Variants in CYFIP2 observed in about 807,000 individuals in gnomAD.
The protein encoded by CYFIP2 is cytoplasmic FMR1-interacting protein 2.
Under a neutral mutation model 158.7 loss-of-function variants are expected in CYFIP2, and 29 were observed. That is an observed-to-expected ratio of 0.18 (90% CI 0.14 to 0.25). CYFIP2 has a LOEUF of 0.25. CYFIP2 is among the 10% of genes least tolerant of loss of function. The pLI is 1.00. For synonymous variants in CYFIP2, 585 were observed against 617.6 expected (o/e 0.95, Z 0.78); for missense variants, 852 against 1,639.5 (o/e 0.52, Z 8.29).
At position 157,266,454 on chromosome 5, in the gene CYFIP2, G is replaced by A. The variant is rs1226060370; in HGVS notation, c.-24+259G>A. ...CATCGCGGAGCTCCGGCGCGGCGGCGGGGGAGCCGCAGCAGCAGGTGCGCG... is the reference window on the plus strand; with the variant it reads ...CATCGCGGAGCTCCGGCGCGGCGGCAGGGGAGCCGCAGCAGCAGGTGCGCG... On this transcript the variant is annotated intron_variant, in intron 1 of 30. Transcript: ENST00000620254. This position sits in a 1 kb window ranked among gnomAD's most constrained non-coding sequence, Gnocchi z 4.2. 1.3e-5 allele frequency: 2 copies of A among 152,172 alleles called. No individual in the cohort carries two copies. Among genetic ancestry groups the A allele is most frequent in the Non-Finnish European group, 2.9e-5 (2 of 68,102 alleles). 9.4% of individuals were successfully genotyped at this position (152,172 alleles called of 1,614,324 possible).
At position 157,326,102 on chromosome 5, in the gene CYFIP2, G is replaced by A. The variant is rs1475575885; in HGVS notation, c.1983-69G>A. 3 of 1,155,122 alleles carry A rather than the reference G, an allele frequency of 2.6e-6. No individual in the cohort carries two copies. In the East Asian group the frequency reaches 7.1e-5, roughly 27 times the overall value. 71.6% of individuals were successfully genotyped at this position (1,155,122 alleles called of 1,614,324 possible). ...CTGTGAACTTGTTTCTATTTCCCAAGCAAGTATAAAGCTGTCTTCCTTAAG... is the reference window on the plus strand; with the variant it reads ...CTGTGAACTTGTTTCTATTTCCCAAACAAGTATAAAGCTGTCTTCCTTAAG... On this transcript the variant is annotated intron_variant, in intron 17 of 30. Coordinates refer to ENST00000620254, the MANE Select transcript of CYFIP2 (RefSeq NM_001037333.3).
intron 8 of CYFIP2, among the ~76,000 whole-genome samples, chr5:157,305,391 C>T (rs1037443752): frequency 6.6e-6 from 1 of 152,234 alleles, no homozygotes; most frequent in Admixed American, 6.5e-5. Context: ...ACAATTGTTT[C>T]ATCAGTTCAC....
intron 26 of CYFIP2, among the ~76,000 whole-genome samples, chr5:157,371,503 T>C (rs888647459): frequency 6.6e-5 from 10 of 152,050 alleles, no homozygotes; most frequent in Admixed American, 1.3e-4. Context: ...AAAGGTAGAG[T>C]CTAATGCCAT....
chr5:157,277,860 A>T (rs1756687783), intron 1 of CYFIP2, among the ~76,000 whole-genome samples: 1 of 152,194 alleles, frequency 6.6e-6, no homozygotes, highest in South Asian at 2.1e-4. Context: ...ACAAACCTGG[A>T]TGGCATAGCC....
intron 14 of CYFIP2, 104 bp downstream of exon 14, chr5:157,320,032 A>G: frequency 1.4e-6 from 2 of 1,416,736 alleles, no homozygotes; most frequent in Non-Finnish European, 1.9e-6. Context: ...GGGTCCTTCC[A>G]GCAAGCTCCA....
Position 157,307,809 on chromosome 5 carries a change from T to C in CYFIP2, c.844T>C (p.Tyr282His), listed in dbSNP as rs1448668025. 2 of 1,612,170 alleles carry C rather than the reference T, an allele frequency of 1.2e-6. No individual in the cohort carries two copies. The highest frequency in any genetic ancestry group is 1.7e-6 in the Non-Finnish European group (2 of 1,179,014). Residue 282 changes from tyrosine (Y) to histidine (H), a missense_variant, in exon 9 of 31, where the codon TAC (tyrosine) becomes CAC (histidine). By Grantham distance (83) the Tyr-to-His change is moderately conservative. This residue lies in a region of CYFIP2 where 133 missense variants were observed against 197.1 expected (regional missense o/e 0.67). Transcript: ENST00000620254. ...YLMDGNVSNI[Y>H]KLDAKKRINL... The stretch of plus-strand genomic sequence containing the variant: ...AATGGATGGAAATGTCAGTAACATT[T>C]ACAAACTGGATGCCAAGAAGAGAAT...
intron 3 of CYFIP2, among the ~76,000 whole-genome samples, chr5:157,289,272 G>T (rs6879845): frequency 0.26 from 39,308 of 152,114 alleles, 5,662 homozygotes; most frequent in Non-Finnish European, 0.34. Flanking sequence ...GCTGGTGTGA[G>T]CAAAGGCACA....
chr5:157,283,867 C>G (rs1228544915), intron 1 of CYFIP2, among the ~76,000 whole-genome samples: 1 of 152,078 alleles, frequency 6.6e-6, no homozygotes, highest in Non-Finnish European at 1.5e-5. Flanking sequence ...CTTTTCCCCC[C>G]TAATGTTAGA....
In CYFIP2 at chr5:157,312,084, A is replaced by G. The variant is rs572402038; in HGVS notation, c.1110+303A>G. On this transcript the variant is annotated intron_variant, in intron 11 of 30. Transcript: ENST00000620254. ...AGAGGATTAAAAGATATGGCAGATA[A>G]TAAGGGCCTGGTGATGGTTAGTTCT... 5.3e-4 allele frequency among the ~76,000 whole-genome samples: 80 copies of G among 152,354 alleles called. 1 individual carries two copies. The highest frequency in any genetic ancestry group is 1.7e-3 in the African/African-American group (72 of 41,588).
chr5:157,375,567 C>T (rs1330543004), intron 26 of CYFIP2, among the ~76,000 whole-genome samples: 1 of 152,048 alleles, frequency 6.6e-6, no homozygotes, highest in Non-Finnish European at 1.5e-5. Flanking sequence ...CAACCCATGG[C>T]CCAGGACGGC....
chr5:157,329,773 A>T (rs780823491), intron 19 of CYFIP2, among the ~76,000 whole-genome samples: 1 of 152,196 alleles, frequency 6.6e-6, no homozygotes, highest in Non-Finnish European at 1.5e-5. Flanking sequence ...GCCACATCTC[A>T]AGTGTTCAGT....
At chr5:157,318,472 C>G (rs1760326791) in intron 13 of CYFIP2, among the ~76,000 whole-genome samples, 1 of 152,186 alleles carries the variant, frequency 6.6e-6, no homozygotes, top group Non-Finnish European at 1.5e-5. Flanking sequence ...TGCTTCTCTC[C>G]CATTATTTCT....
At chr5:157,320,577 G>T in intron 14 of CYFIP2, 78 bp from the exon 15 acceptor site, 1 of 1,582,774 alleles carries the variant, frequency 6.3e-7, no homozygotes, top group South Asian at 1.1e-5. Context: ...GGGACACCAC[G>T]GGCCCTAGAA....
chr5:157,347,308 A>AT (rs1021453296), intron 23 of CYFIP2, among the ~76,000 whole-genome samples: 6 of 151,130 alleles, frequency 4.0e-5, no homozygotes, highest in African/African-American at 1.5e-4. Context: ...TCCCTTGGAA[A>AT]AAAAAAAAAA....
chr5:157,318,203 A>G (rs1760306637), intron 13 of CYFIP2, among the ~76,000 whole-genome samples: 1 of 152,112 alleles, frequency 6.6e-6, no homozygotes, highest in African/African-American at 2.4e-5. Context: ...CCTTTTGAAG[A>G]GCAGCTGTTT....
rs559624503 is a variant in CYFIP2 at position 157,341,237 on chromosome 5, G to A, written c.2673+80G>A. 466 of 1,352,516 alleles carry A rather than the reference G, an allele frequency of 3.4e-4. 2 individuals are homozygous for A. In the African/African-American group the frequency reaches 6.3e-3, roughly 18 times the overall value. The allele number at this position is 1,352,516 out of a possible 1,614,324, so 83.8% of individuals were successfully genotyped here. On this transcript the variant is annotated intron_variant, in intron 23 of 30. Transcript: ENST00000620254. Reference sequence around the variant, plus strand: ...AGAAAAGTGTCTCTTAATTAGAAGAGTAAGAAGGTGCAGAGATAAAGGCAG... The same window carrying A: ...AGAAAAGTGTCTCTTAATTAGAAGAATAAGAAGGTGCAGAGATAAAGGCAG...
chr5:157,342,903 C>G, intron 23 of CYFIP2: 1 of 1,614,038 alleles, frequency 6.2e-7, no homozygotes, highest in Non-Finnish European at 8.5e-7. Context: ...GGGTCACCAC[C>G]CCCCCTCTGT....
chr5:157,340,743 C>A (rs1490157868), intron 22 of CYFIP2, among the ~76,000 whole-genome samples: 1 of 152,148 alleles, frequency 6.6e-6, no homozygotes, highest in Non-Finnish European at 1.5e-5. Context: ...GAACTCTGCT[C>A]TTGAGAAACC....
intron 1 of CYFIP2, 35 bp from the exon 2 acceptor site, chr5:157,285,303 GA>G: frequency 7.0e-7 from 1 of 1,438,656 alleles, no homozygotes; most frequent in Non-Finnish European, 9.6e-7. Context: ...AGAGGCCCCT[GA>G]AATTCTCCAC....
Sources: allele counts gnomAD v4.1 joint callset (sites outside exome capture counted in the v4.1 genomes callset), GRCh38; gene constraint gnomAD v4.1.1; regional missense constraint gnomAD v4.1.1; non-coding constraint Gnocchi (gnomAD v3.1); transcripts MANE v1.5; gene names NCBI Gene and HGNC (gene_info 2026-07-23, HGNC 2026-07-21).